The following ANKFN1 variants were observed in gnomAD, a reference collection of about 807,000 sequenced individuals.
The protein encoded by ANKFN1 is ankyrin repeat and fibronectin type III domain containing 1.
ANKFN1 carries 74 observed loss-of-function variants against 108.7 expected under a neutral mutation model. The observed-to-expected ratio is 0.68, with a 90% CI of 0.56 to 0.83. The LOEUF (loss-of-function observed/expected upper bound fraction) is 0.83. Ranked by LOEUF, ANKFN1 falls within the 40% of genes least tolerant of loss-of-function variation. The pLI is 0.00. For synonymous variants in ANKFN1, 547 were observed against 516.2 expected, an observed-to-expected ratio of 1.06 and a Z score of -0.81; for missense variants, 1,505 against 1,382.3, an observed-to-expected ratio of 1.09 and a Z score of -1.41.
At chr17:56,360,994 C>A (rs1004397143) in intron 6 of ANKFN1, among the ~76,000 whole-genome samples, 1 of 152,010 alleles carries the variant, frequency 6.6e-6, no homozygotes, top group African/African-American at 2.4e-5. Context: ...TCCCTATTTT[C>A]CCCACCCCTA....
chr17:56,425,148 C>T (rs1283300484), intron 8 of ANKFN1, among the ~76,000 whole-genome samples: 1 of 150,866 alleles, frequency 6.6e-6, no homozygotes, highest in African/African-American at 2.4e-5. Flanking sequence ...AAAAAAGTAG[C>T]TGAACTCCAG....
At chr17:56,505,822 C>T (rs1336415795) in intron 20 of ANKFN1, among the ~76,000 whole-genome samples, 1 of 152,164 alleles carries the variant, frequency 6.6e-6, no homozygotes, top group Non-Finnish European at 1.5e-5. Context: ...AGGCACATTT[C>T]GTATACTCCT....
At chr17:56,248,851 A>G (rs1188122379) in intron 3 of ANKFN1, among the ~76,000 whole-genome samples, 3 of 152,212 alleles carry the variant, frequency 2.0e-5, no homozygotes, top group Non-Finnish European at 4.4e-5. Flanking sequence ...CCCAGGAAAC[A>G]TGAGTAAGAG....
At position 56,187,448 on chromosome 17, in the gene ANKFN1, T is replaced by G. The variant is rs557673351; in HGVS notation, c.-70-25150T>G. Among the ~76,000 whole-genome samples the G allele has an allele frequency of 3.9e-5, 6 of 152,182 alleles. No individual in the cohort carries two copies. In the East Asian group the frequency reaches 5.8e-4, roughly 15 times the overall value. On this transcript the variant is annotated intron_variant, in intron 1 of 20. Transcript: ENST00000682825. ...AAGTCAGGAAACAACAGGTGCTGGA[T>G]AGGATGTGGAGAAATAGGAATACTT...
chr17:56,324,017 C>CT (rs2045447503), intron 3 of ANKFN1, among the ~76,000 whole-genome samples: 1 of 152,172 alleles, frequency 6.6e-6, no homozygotes, highest in Admixed American at 6.5e-5. Context: ...GATTCCAAGG[C>CT]TGTACGGGAG....
intron 15 of ANKFN1, among the ~76,000 whole-genome samples, chr17:56,467,338 C>T (rs1016901782): frequency 5.3e-5 from 8 of 151,996 alleles, no homozygotes; most frequent in East Asian, 3.9e-4. Context: ...ATGTTCCTTA[C>T]GATACTCCCT....
At chr17:56,092,255 A>G (rs2143195982) in intron 4 of ANKFN1, among the ~76,000 whole-genome samples, 2 of 145,098 alleles carry the variant, frequency 1.4e-5, no homozygotes, top group African/African-American at 2.6e-5. Context: ...AGGCACAGGG[A>G]GTGAGGTAGT....
chr17:56,373,329 T>C (rs1691244472), intron 7 of ANKFN1, among the ~76,000 whole-genome samples: 1 of 152,230 alleles, frequency 6.6e-6, no homozygotes, highest in African/African-American at 2.4e-5. Flanking sequence ...AACTCAAGAA[T>C]TACGCTTTTG....
At chr17:56,467,398 G>T (rs1226980086) in intron 15 of ANKFN1, among the ~76,000 whole-genome samples, 1 of 152,090 alleles carries the variant, frequency 6.6e-6, no homozygotes, top group Non-Finnish European at 1.5e-5. Context: ...AATAACTAGA[G>T]GCTGGGCGCA....
chr17:56,393,215 A>G (rs919353691), intron 8 of ANKFN1, among the ~76,000 whole-genome samples: 3 of 152,146 alleles, frequency 2.0e-5, no homozygotes, highest in African/African-American at 7.2e-5. Flanking sequence ...TGAGGAATCC[A>G]CCTAAAACTC....
At chr17:56,372,993 A>G (rs147060117) in intron 7 of ANKFN1, among the ~76,000 whole-genome samples, 153 bp downstream of exon 7, 91 of 152,258 alleles carry the variant, frequency 6.0e-4, no homozygotes, top group African/African-American at 2.1e-3. Flanking sequence ...GAGGCTGTCA[A>G]AGGGTCTTTT....
chr17:56,092,431 C>A (rs931635184), intron 4 of ANKFN1, among the ~76,000 whole-genome samples: 3 of 150,468 alleles, frequency 2.0e-5, no homozygotes, highest in African/African-American at 7.3e-5. Context: ...CCCCCCACCA[C>A]GCCCAGCTAA....
chr17:56,401,317 C>T (rs2047754169), intron 8 of ANKFN1, among the ~76,000 whole-genome samples: 1 of 146,574 alleles, frequency 6.8e-6, no homozygotes, highest in Non-Finnish European at 1.5e-5. Context: ...TTGTTAGGTA[C>T]ATTCCGAAGT....
intron 8 of ANKFN1, among the ~76,000 whole-genome samples, chr17:56,435,974 AT>A (rs1371239652): frequency 1.3e-5 from 2 of 151,914 alleles, no homozygotes; most frequent in Non-Finnish European, 2.9e-5. Flanking sequence ...TGAGTTGTGA[AT>A]TTTCTAGTCT....
chr17:56,502,674 A>G (rs1271070343), intron 20 of ANKFN1, among the ~76,000 whole-genome samples: 1 of 152,210 alleles, frequency 6.6e-6, no homozygotes, highest in Non-Finnish European at 1.5e-5. Context: ...GCCATTTATG[A>G]AAAGGGGGAA....
chr17:56,249,723 G>A (rs965109028), intron 3 of ANKFN1, among the ~76,000 whole-genome samples: 1 of 152,150 alleles, frequency 6.6e-6, no homozygotes, highest in African/African-American at 2.4e-5. Flanking sequence ...ACCCATAGAG[G>A]GCCCTGGTAA....
chr17:56,308,244 AAAAAAG>A (rs2044898918), intron 3 of ANKFN1, among the ~76,000 whole-genome samples: 2 of 152,310 alleles, frequency 1.3e-5, no homozygotes, highest in Admixed American at 6.5e-5. Context: ...TAATAAAAAA[AAAAAAG>A]AAGTTAAAGC....
chr17:56,148,559 G>C (rs936710345), upstream of ANKFN1, among the ~76,000 whole-genome samples: 1 of 152,184 alleles, frequency 6.6e-6, no homozygotes, highest in Non-Finnish European at 1.5e-5. Flanking sequence ...TTTACAAGGG[G>C]ACCTGCAGGG....
chr17:56,242,631 C>A (rs1917671087), intron 3 of ANKFN1, among the ~76,000 whole-genome samples: 1 of 151,948 alleles, frequency 6.6e-6, no homozygotes, highest in African/African-American at 2.4e-5. Flanking sequence ...AATTTTGTAT[C>A]ATGCTTTCTA....
Sources: gnomAD v4.1 joint callset for allele counts (sites outside exome capture counted in the v4.1 genomes callset) on GRCh38, gnomAD v4.1.1 for gene constraint, MANE v1.5 for transcripts, NCBI Gene and HGNC (gene_info 2026-07-23, HGNC 2026-07-21) for gene names.